Variants in PCID2 observed in about 807,000 individuals in gnomAD.
PCID2 encodes PCI domain containing 2.
A neutral mutation model predicts 61.3 loss-of-function variants in PCID2; 41 were observed. The ratio of observed to expected loss-of-function variants is 0.67; its 90% CI spans 0.52 to 0.87. PCID2 has a LOEUF of 0.87. Among genes scored for constraint, PCID2 ranks in the 40% least tolerant of loss-of-function variants. The pLI is 0.00. For synonymous variants in PCID2, 187 were observed against 177.8 expected, an observed-to-expected ratio of 1.05 and a Z score of -0.41; for missense variants, 392 against 493.4, an observed-to-expected ratio of 0.79 and a Z score of 1.95.
rs1268521863 is a variant in PCID2, at chr13:113,190,843, T to A, written c.467+29A>T. On this transcript the variant is annotated intron_variant, in intron 7 of 13. Coordinates refer to ENST00000337344, the MANE Select transcript of PCID2 (RefSeq NM_001127202.4). The stretch of plus-strand genomic sequence containing the variant: ...CAATGAAAACACCACCAACAGCGTC[T>A]GGTGGTCGGTCCTCAAGTCCTTACT... 8 of 1,398,124 alleles carry A rather than the reference T, an allele frequency of 5.7e-6. No homozygotes were observed. The Admixed American group carries it at 1.4e-4, about 24-fold the overall frequency. 86.6% of individuals were successfully genotyped at this position (1,398,124 alleles called of 1,614,324 possible).
At chr13:113,202,990 CA>C (rs199962787) in intron 1 of PCID2, among the ~76,000 whole-genome samples, 45 of 151,978 alleles carry the variant, frequency 3.0e-4, no homozygotes, top group African/African-American at 1.1e-3. Context: ...CTGCCAAAAA[CA>C]AAACAAAAAA....
chr13:113,175,023 G>C (rs558233564), downstream of PCID2, among the ~76,000 whole-genome samples: 13 of 152,286 alleles, frequency 8.5e-5, no homozygotes, highest in South Asian at 2.5e-3. Context: ...CGCTGTTCTC[G>C]TGACAGTGAG....
chr13:113,191,891 G>T (rs528190756), intron 6 of PCID2, among the ~76,000 whole-genome samples: 22 of 152,066 alleles, frequency 1.4e-4, no homozygotes, highest in Non-Finnish European at 3.1e-4. Flanking sequence ...TAATCACCAC[G>T]TTCTTAAACA....
intron 9 of PCID2, chr13:113,183,821 A>G: frequency 1.0e-6 from 1 of 984,942 alleles, no homozygotes; most frequent in Non-Finnish European, 1.2e-6. Flanking sequence ...CAGGTGTGGC[A>G]GCGACACGCC....
rs184044598 is a variant in PCID2 at position 113,196,621 on chromosome 13, T to C, written c.267-399A>G. On this transcript the variant is annotated intron_variant, in intron 4 of 13. Coordinates refer to ENST00000337344, the MANE Select transcript of PCID2 (RefSeq NM_001127202.4). The stretch of plus-strand genomic sequence containing the variant: ...GAATTCTAAGGAGGCTGTGAGCAAA[T>C]AGCCCAACTCTCTTCTGTGTATATT... Among the ~76,000 whole-genome samples the C allele has an allele frequency of 4.7e-3, 712 of 152,338 alleles. 5 individuals are homozygous for C. The highest frequency in any genetic ancestry group is 7.8e-3 in the Non-Finnish European group (534 of 68,028).
At chr13:113,195,227 G>A (rs534031197) in intron 5 of PCID2, 102 bp from the exon 6 acceptor site, 20 of 777,308 alleles carry the variant, frequency 2.6e-5, no homozygotes, top group East Asian at 2.0e-4. Flanking sequence ...TATCCAGAAT[G>A]GAGTCCGCAC....
intron 6 of PCID2, among the ~76,000 whole-genome samples, chr13:113,193,036 T>C (rs1464149808): frequency 6.6e-6 from 1 of 152,004 alleles, no homozygotes; most frequent in Non-Finnish European, 1.5e-5. Context: ...TGACTTGATC[T>C]GGACCTCCCT....
chr13:113,184,378 C>G lies in PCID2; in HGVS notation c.653G>C (p.Arg218Pro). Residue 218 changes from arginine (R) to proline (P), a missense_variant, in exon 9 of 14, where the codon CGC becomes CCC. By Grantham distance (103) the Arg-to-Pro change is moderately radical. Transcript: ENST00000337344. Reference sequence around the variant, plus strand: ...AAAATCGCTGTCAAACATAGCCTTGCGTCCAACGTAGTATTTGTATGTTAC... The same window carrying G: ...AAAATCGCTGTCAAACATAGCCTTGGGTCCAACGTAGTATTTGTATGTTAC... ...QRVTYKYYVGRKAMFDSDFKQ... is the reference protein window; with the variant it reads ...QRVTYKYYVGPKAMFDSDFKQ... 6.2e-7 allele frequency: 1 copy of G among 1,613,138 alleles called. No individual in the cohort carries two copies. The highest frequency in any genetic ancestry group is 8.5e-7 in the Non-Finnish European group (1 of 1,179,182).
At chr13:113,181,292 C>T (rs1458956724) in intron 9 of PCID2, 62 bp from the exon 10 acceptor site, 1 of 977,800 alleles carries the variant, frequency 1.0e-6, no homozygotes, top group Non-Finnish European at 1.6e-6. Flanking sequence ...CCCCTTCCTG[C>T]TCCATTTTCT....
chr13:113,181,417 C>A (rs1005836272), intron 9 of PCID2, among the ~76,000 whole-genome samples, 187 bp from the exon 10 acceptor site: 1 of 152,186 alleles, frequency 6.6e-6, no homozygotes, highest in African/African-American at 2.4e-5. Context: ...TCCATACCCC[C>A]AAATTCAACA....
At chr13:113,189,074 G>T (rs776307595) in intron 7 of PCID2, among the ~76,000 whole-genome samples, 1 of 152,050 alleles carries the variant, frequency 6.6e-6, no homozygotes, top group Non-Finnish European at 1.5e-5. Context: ...TGCTGTCCTT[G>T]CCATAATGAA....
intron 1 of PCID2, among the ~76,000 whole-genome samples, chr13:113,205,999 T>G (rs1354244488): frequency 1.3e-5 from 2 of 152,210 alleles, no homozygotes; most frequent in African/African-American, 4.8e-5. Flanking sequence ...ATAAGTGAAA[T>G]AAACCTTCAG....
chr13:113,171,603 G>T, the PCID2 span: 1 of 1,614,118 alleles, frequency 6.2e-7, no homozygotes, highest in East Asian at 2.2e-5. The surrounding 1 kb of genome is among the most constrained non-coding windows in gnomAD (Gnocchi z 5.1). Flanking sequence ...GATTTTAACA[G>T]AACGAGCCAA....
chr13:113,195,149 G>A, intron 5 of PCID2, 24 bp from the exon 6 acceptor site: 1 of 1,525,310 alleles, frequency 6.6e-7, no homozygotes. Context: ...AAGTAAACAA[G>A]TGTGAGGGGC....
intron 1 of PCID2, among the ~76,000 whole-genome samples, chr13:113,203,570 C>T (rs2138956390): frequency 6.6e-6 from 1 of 152,338 alleles, no homozygotes; most frequent in Middle Eastern, 3.4e-3. Context: ...TGCCAATCAT[C>T]ATCAAGAAGC....
intron 6 of PCID2, among the ~76,000 whole-genome samples, chr13:113,191,382 G>A (rs920591577): frequency 1.3e-5 from 2 of 152,000 alleles, no homozygotes; most frequent in Non-Finnish European, 2.9e-5. Context: ...AAGACTCAAA[G>A]TCCCGAAAGA....
Position 113,208,625 on chromosome 13 carries a change from T to C in PCID2, c.10A>G (p.Ile4Val), listed in dbSNP as rs756235474. MAHITINQYLQQVY... is the reference protein window; with the variant it reads MAHVTINQYLQQVY... The stretch of plus-strand genomic sequence containing the variant: ...TGCTGCAGGTACTGGTTAATGGTAA[T>C]GTGCGCCATGGGAGCGCCGCCGAAC... The change falls in exon 1 of 14, where the codon ATT (isoleucine) becomes GTT (valine). Residue 4 changes from isoleucine to valine, a missense_variant. By Grantham distance (29) the Ile-to-Val change is conservative (BLOSUM62 3). Around this residue, in one of 3 missense-constraint regions of PCID2, gnomAD observed 155 missense variants for 164.9 expected, o/e 0.94. Coordinates refer to ENST00000337344, the MANE Select transcript of PCID2 (RefSeq NM_001127202.4). 6.8e-6 allele frequency: 11 copies of C among 1,607,236 alleles called. No individual in the cohort carries two copies. The highest frequency in any genetic ancestry group is 1.3e-5 in the African/African-American group (1 of 74,518).
chr13:113,201,058 A>T (rs1029100031), intron 1 of PCID2, among the ~76,000 whole-genome samples: 26 of 152,254 alleles, frequency 1.7e-4, no homozygotes, highest in Non-Finnish European at 3.4e-4. Context: ...TATATGTTTG[A>T]AAATCCAAAT....
At chr13:113,200,604 G>A (rs904610060) in intron 1 of PCID2, 88 bp from the exon 2 acceptor site, 1 of 834,914 alleles carries the variant, frequency 1.2e-6, no homozygotes, top group Non-Finnish European at 2.0e-6. Flanking sequence ...GCCACACAGG[G>A]GAAAATTCAT....
Sources: allele counts gnomAD v4.1 joint callset (sites outside exome capture counted in the v4.1 genomes callset), GRCh38; gene constraint gnomAD v4.1.1; regional missense constraint gnomAD v4.1.1; non-coding constraint Gnocchi (gnomAD v3.1); transcripts MANE v1.5; gene names NCBI Gene and HGNC (gene_info 2026-07-23, HGNC 2026-07-21).